The following STXBP3 variants were observed in gnomAD, a reference collection of about 807,000 sequenced individuals.
STXBP3 encodes the protein syntaxin-binding protein 3.
In STXBP3, 41 loss-of-function variants were observed where a neutral mutation model predicts 85.7. The ratio of observed to expected loss-of-function variants is 0.48; its 90% CI spans 0.37 to 0.62. The LOEUF is 0.62. Ranked by LOEUF, STXBP3 falls within the 20% of genes least tolerant of loss-of-function variation. The probability of loss-of-function intolerance (pLI) is 0.00; values close to 1 mark genes in which losing one functional copy is unlikely to be tolerated. For missense variants in STXBP3, 563 were observed against 703.1 expected (o/e 0.80, Z 2.25); for synonymous variants, 229 against 231.7 (o/e 0.99, Z 0.10).
At chr1:108,801,821 A>C (rs748208687) in intron 17 of STXBP3, among the ~76,000 whole-genome samples, 6 of 151,950 alleles carry the variant, frequency 3.9e-5, no homozygotes, top group Non-Finnish European at 7.4e-5. Context: ...GGTATATGCC[A>C]CCACACCCAG....
chr1:108,788,968 G>A (rs1410041248), intron 11 of STXBP3, among the ~76,000 whole-genome samples: 1 of 152,118 alleles, frequency 6.6e-6, no homozygotes, highest in African/African-American at 2.4e-5. Flanking sequence ...GGAAGCTGAG[G>A]CAGGAGAATT....
intron 15 of STXBP3, among the ~76,000 whole-genome samples, chr1:108,797,596 C>G (rs1371112171): frequency 6.6e-6 from 1 of 151,832 alleles, no homozygotes; most frequent in Non-Finnish European, 1.5e-5. Context: ...TTAGTAGAGA[C>G]AGGGTTTCAC....
intron 11 of STXBP3, among the ~76,000 whole-genome samples, chr1:108,793,032 C>T (rs1000617901): frequency 6.6e-6 from 1 of 152,046 alleles, no homozygotes; most frequent in Non-Finnish European, 1.5e-5. Context: ...ATGCCCTGTA[C>T]ATGTGCAGCT....
intron 17 of STXBP3, among the ~76,000 whole-genome samples, chr1:108,802,927 T>G (rs1234542650): frequency 6.6e-6 from 1 of 152,236 alleles, no homozygotes; most frequent in South Asian, 2.1e-4. Context: ...GCATAAATTT[T>G]CACTGCTAGT....
At chr1:108,772,864 T>C (rs1465602393) in intron 7 of STXBP3, 45 bp downstream of exon 7, 9 of 1,454,084 alleles carry the variant, frequency 6.2e-6, no homozygotes, top group Non-Finnish European at 8.3e-6. Context: ...CTATTTACCA[T>C]TCATTATAGA....
intron 6 of STXBP3, among the ~76,000 whole-genome samples, chr1:108,763,389 A>G (rs1327458573): frequency 6.6e-6 from 1 of 152,160 alleles, no homozygotes; most frequent in Non-Finnish European, 1.5e-5. Context: ...TCTAGGGAAA[A>G]TTCTGTGGGT....
At chr1:108,759,404 A>G (rs1557801276) in intron 5 of STXBP3, among the ~76,000 whole-genome samples, 1 of 152,192 alleles carries the variant, frequency 6.6e-6, no homozygotes, top group Non-Finnish European at 1.5e-5. Context: ...TTAAGGCTAA[A>G]GAATATCATG....
In STXBP3 at chr1:108,763,638, C is replaced by T. The variant is rs149157495; in HGVS notation, c.438+3553C>T. Among the ~76,000 whole-genome samples the T allele has an allele frequency of 7.1e-3, 1,085 of 152,130 alleles. 17 individuals carry two copies. Among genetic ancestry groups the T allele is most frequent in the African/African-American group, 0.023 (948 of 41,490 alleles). On this transcript the variant is annotated intron_variant, in intron 6 of 18. Transcript: ENST00000370008. ...TTACCCAGGCTGGGGTGCAGTGGCG[C>T]GATCTCAGCTCACTGCAACCTCCAC...
chr1:108,807,677 A>G lies in STXBP3; in HGVS notation c.1684+128A>G, dbSNP rs189623998. ...CCGCAACCTCCGCCTCCCAGGTTCA[A>G]GCGATTCTTCTGCCTCAGCCTCCTG... On this transcript the variant is annotated intron_variant, in intron 18 of 18. Transcript: ENST00000370008. 3,952 of 913,308 alleles carry G rather than the reference A, an allele frequency of 4.3e-3. 18 individuals carry two copies. The highest frequency in any genetic ancestry group is 7.1e-3 in the Middle Eastern group (20 of 2,818). The allele number at this position is 913,308 out of a possible 1,614,324, so 56.6% of individuals were successfully genotyped here. A position where few individuals can be genotyped will look rare whatever the true frequency, so the allele number is the denominator to read the frequency against.
intron 9 of STXBP3, chr1:108,781,969 C>T (rs12726859): frequency 0.17 from 26,676 of 152,706 alleles, 3,135 homozygotes; most frequent in Non-Finnish European, 0.26. Context: ...CCTTGGCCTC[C>T]GAAAGTGCTA....
At chr1:108,803,940 G>A (rs1175190101) in intron 17 of STXBP3, among the ~76,000 whole-genome samples, 3 of 152,202 alleles carry the variant, frequency 2.0e-5, no homozygotes, top group Admixed American at 6.5e-5. Context: ...GGAAGGTGGA[G>A]GGGGTTGTGT....
chr1:108,775,920 A>AACACACACACACAC (rs59575550), intron 7 of STXBP3, among the ~76,000 whole-genome samples: 8 of 149,982 alleles, frequency 5.3e-5, no homozygotes, highest in African/African-American at 2.0e-4. Context: ...ATAAATCTCA[A>AACACACACACACAC]ACACACACAC....
intron 6 of STXBP3, chr1:108,767,355 T>A: frequency 4.1e-6 from 1 of 241,850 alleles, no homozygotes; most frequent in Non-Finnish European, 8.2e-6. Flanking sequence ...GATTGCTTCC[T>A]CCCATTGTGA....
chr1:108,779,201 G>A, intron 8 of STXBP3, 85 bp from the exon 9 acceptor site: 2 of 1,417,426 alleles, frequency 1.4e-6, no homozygotes, highest in Non-Finnish European at 1.9e-6. Context: ...CTTAGGAAAA[G>A]GGTGCTTTGT....
intron 11 of STXBP3, among the ~76,000 whole-genome samples, chr1:108,792,269 C>T (rs1662988697): frequency 6.6e-6 from 1 of 152,144 alleles, no homozygotes; most frequent in Non-Finnish European, 1.5e-5. Flanking sequence ...TCTGTTTCCA[C>T]TTTAACATAA....
chr1:108,764,028 C>T (rs1662205052), intron 6 of STXBP3, among the ~76,000 whole-genome samples: 1 of 152,036 alleles, frequency 6.6e-6, no homozygotes, highest in African/African-American at 2.4e-5. Context: ...TATTCCTTTC[C>T]CTCCTCCCAC....
At chr1:108,764,019 A>G (rs1557802814) in intron 6 of STXBP3, among the ~76,000 whole-genome samples, 1 of 151,888 alleles carries the variant, frequency 6.6e-6, no homozygotes. Flanking sequence ...TATTTTTTCT[A>G]TTCCTTTCCC....
Position 108,796,388 on chromosome 1 carries a change from A to G in STXBP3, c.1249+16A>G. The G allele has an allele frequency of 7.0e-7, 1 of 1,433,120 alleles. No individual in the cohort carries two copies. The highest frequency in any genetic ancestry group is 9.7e-7 in the Non-Finnish European group (1 of 1,034,174). 88.8% of individuals were successfully genotyped at this position (1,433,120 alleles called of 1,614,324 possible). Reference sequence around the variant, plus strand: ...AGTATTAATGGTAATGGAGATAATCACTTTTTAATAAGTATTTTACTATTG... The same window carrying G: ...AGTATTAATGGTAATGGAGATAATCGCTTTTTAATAAGTATTTTACTATTG... On this transcript the variant is annotated intron_variant, in intron 14 of 18. Transcript: ENST00000370008.
intron 7 of STXBP3, among the ~76,000 whole-genome samples, chr1:108,774,429 G>A (rs1233582026): frequency 6.6e-6 from 1 of 152,070 alleles, no homozygotes; most frequent in Non-Finnish European, 1.5e-5. Context: ...CATTTGTCAA[G>A]TTAGCTGGCT....
Sources: allele counts gnomAD v4.1 joint callset (sites outside exome capture counted in the v4.1 genomes callset), GRCh38; gene constraint gnomAD v4.1.1; transcripts MANE v1.5; gene names NCBI Gene and HGNC (gene_info 2026-07-23, HGNC 2026-07-21).